Variants in ST18 observed in about 807,000 individuals in gnomAD.
The protein encoded by ST18 is ST18 C2H2C-type zinc finger transcription factor, also known as suppression of tumorigenicity 18 protein.
A neutral mutation model predicts 110.0 loss-of-function variants in ST18; 50 were observed. That is an observed-to-expected ratio of 0.45 (90% CI 0.36 to 0.58). The LOEUF (loss-of-function observed/expected upper bound fraction) is 0.58, where lower values mean the gene tolerates loss of function less well. Among genes scored for constraint, ST18 ranks in the 20% least tolerant of loss-of-function variants. ST18 has a pLI of 0.00. For missense variants in ST18, 1,306 were observed against 1,280.1 expected (o/e 1.02, Z -0.31); for synonymous variants, 461 against 452.4 (o/e 1.02, Z -0.24).
chr8:52,404,886 C>T (rs779269573), intron 2 of ST18: 5 of 152,152 alleles, frequency 3.3e-5, no homozygotes, highest in African/African-American at 4.8e-5. Context: ...CTCAAAACAA[C>T]GTGCAGCCCA....
intron 2 of ST18, among the ~76,000 whole-genome samples, chr8:52,245,780 A>T (rs1473387885): frequency 6.6e-6 from 1 of 152,112 alleles, no homozygotes; most frequent in African/African-American, 2.4e-5. Flanking sequence ...GCACTGTATA[A>T]ATCAAAGAAA....
chr8:52,293,626 A>C lies in ST18; in HGVS notation c.-464-63549T>G, dbSNP rs2095588957. ...TGGTTCTTGCAGAGTTCTTTATATG[A>C]CATATAATTTTTTTATGTTTTTGTT... On this transcript the variant is annotated intron_variant, in intron 2 of 25. Coordinates refer to ENST00000689386, the MANE Select transcript of ST18 (RefSeq NM_001352837.2). Among the ~76,000 whole-genome samples, 3 of 152,012 alleles carry C rather than the reference A, an allele frequency of 2.0e-5. No homozygotes were observed. In the South Asian group the frequency reaches 6.2e-4, roughly 32 times the overall value.
At chr8:52,225,259 A>G (rs2088873752) in intron 3 of ST18, among the ~76,000 whole-genome samples, 1 of 152,244 alleles carries the variant, frequency 6.6e-6, no homozygotes. Context: ...ATAGCCCTCA[A>G]AGATACTTAA....
chr8:52,280,878 A>G (rs1232315549), intron 2 of ST18, among the ~76,000 whole-genome samples: 1 of 152,114 alleles, frequency 6.6e-6, no homozygotes, highest in Non-Finnish European at 1.5e-5. Context: ...GACTTGAGCT[A>G]AAAGACACAT....
chr8:52,174,970 T>C (rs2066332871), intron 9 of ST18, among the ~76,000 whole-genome samples: 1 of 151,990 alleles, frequency 6.6e-6, no homozygotes, highest in Non-Finnish European at 1.5e-5. Context: ...GCTGTGTGTG[T>C]TTATTTTCTC....
chr8:52,228,798 A>T (rs1214572436), intron 3 of ST18, among the ~76,000 whole-genome samples: 2 of 152,066 alleles, frequency 1.3e-5, no homozygotes, highest in African/African-American at 4.8e-5. Context: ...CTGCTTTCAA[A>T]CACTAGACTC....
At chr8:52,300,758 G>A (rs890825418) in intron 2 of ST18, among the ~76,000 whole-genome samples, 66 of 152,276 alleles carry the variant, frequency 4.3e-4, no homozygotes, top group African/African-American at 1.5e-3. Flanking sequence ...TGCTAGAAGA[G>A]CAGAGTTGAA....
chr8:52,374,697 T>C (rs932260204), intron 2 of ST18, among the ~76,000 whole-genome samples: 1 of 152,010 alleles, frequency 6.6e-6, no homozygotes, highest in Non-Finnish European at 1.5e-5. Flanking sequence ...CATACCCCCC[T>C]GACAGGCTGC....
chr8:52,258,467 G>C (rs923141414), intron 2 of ST18, among the ~76,000 whole-genome samples: 1 of 151,990 alleles, frequency 6.6e-6, no homozygotes, highest in African/African-American at 2.4e-5. Flanking sequence ...ATTTTTTATG[G>C]TGTTCAGAGT....
chr8:52,356,344 C>A (rs1360350908), intron 2 of ST18, among the ~76,000 whole-genome samples: 1 of 152,060 alleles, frequency 6.6e-6, no homozygotes, highest in Non-Finnish European at 1.5e-5. Flanking sequence ...AAAACTCTGT[C>A]AAAACACTAG....
In ST18 at chr8:52,137,929, C is replaced by A. The variant is rs139553697; in HGVS notation, c.2169-446G>T. 7.1e-3 allele frequency: 1,143 copies of A among 160,488 alleles called. 17 individuals carry two copies. Among genetic ancestry groups the A allele is most frequent in the African/African-American group, 0.025 (1,053 of 41,542 alleles). 9.9% of individuals were successfully genotyped at this position (160,488 alleles called of 1,614,324 possible). A position where few individuals can be genotyped will look rare whatever the true frequency, so the allele number is the denominator to read the frequency against. On this transcript the variant is annotated intron_variant, in intron 17 of 25. Transcript: ENST00000689386. ...CCAGCCTGACCAACATGGAGAAACCCCATCTCTTCTAAAAATACAAAATTA... is the reference window on the plus strand; with the variant it reads ...CCAGCCTGACCAACATGGAGAAACCACATCTCTTCTAAAAATACAAAATTA...
At chr8:52,170,465 A>G (rs912063467) in intron 10 of ST18, among the ~76,000 whole-genome samples, 1 of 150,440 alleles carries the variant, frequency 6.6e-6, no homozygotes, top group African/African-American at 2.4e-5. Context: ...TAAATAAATA[A>G]ATAAATAAAT....
At chr8:52,382,197 C>T (rs1027293193) in intron 2 of ST18, among the ~76,000 whole-genome samples, 3 of 152,044 alleles carry the variant, frequency 2.0e-5, no homozygotes, top group South Asian at 2.1e-4. Flanking sequence ...TTACCAGGAC[C>T]GTGTGATGTC....
intron 2 of ST18, among the ~76,000 whole-genome samples, chr8:52,349,013 G>A (rs922402641): frequency 6.6e-6 from 1 of 151,506 alleles, no homozygotes; most frequent in African/African-American, 2.4e-5. Context: ...CAACCCCCAC[G>A]CCCCAACCAT....
At chr8:52,155,145 T>C (rs1475827122) in intron 15 of ST18, among the ~76,000 whole-genome samples, 1 of 150,394 alleles carries the variant, frequency 6.6e-6, no homozygotes, top group East Asian at 2.0e-4. Context: ...GAGGTTGCAG[T>C]GAGTGAAGAT....
intron 2 of ST18, among the ~76,000 whole-genome samples, chr8:52,286,353 A>C (rs1484483662): frequency 6.6e-6 from 1 of 152,210 alleles, no homozygotes; most frequent in Non-Finnish European, 1.5e-5. Flanking sequence ...TGAAGAGATG[A>C]ACTGCATTGT....
chr8:52,161,881 C>G (rs183271147), intron 13 of ST18, among the ~76,000 whole-genome samples: 11 of 152,328 alleles, frequency 7.2e-5, no homozygotes, highest in African/African-American at 2.6e-4. Context: ...ATATTTGATG[C>G]TTATTAGCAT....
chr8:52,167,715 T>C (rs1250039980), intron 10 of ST18, among the ~76,000 whole-genome samples: 1 of 152,156 alleles, frequency 6.6e-6, no homozygotes, highest in East Asian at 1.9e-4. Context: ...TGCAGGAGAC[T>C]TCCAGAAAAT....
At chr8:52,258,676 G>A (rs945142587) in intron 2 of ST18, among the ~76,000 whole-genome samples, 30 of 152,040 alleles carry the variant, frequency 2.0e-4, no homozygotes, top group Admixed American at 2.0e-3. Context: ...ATCTGCAAAT[G>A]GAAATACTTT....
Sources: gnomAD v4.1 joint callset for allele counts (sites outside exome capture counted in the v4.1 genomes callset) on GRCh38, gnomAD v4.1.1 for gene constraint, MANE v1.5 for transcripts, NCBI Gene and HGNC (gene_info 2026-07-23, HGNC 2026-07-21) for gene names.